The following SPATA1 variants were observed in gnomAD, a reference collection of about 807,000 sequenced individuals.
The protein encoded by SPATA1 is spermatogenesis-associated protein 1.
SPATA1 carries 57 observed loss-of-function variants against 59.6 expected under a neutral mutation model. That is an observed-to-expected ratio of 0.96 (90% CI 0.77 to 1.19). The LOEUF (loss-of-function observed/expected upper bound fraction) is 1.19. Ranked by LOEUF, SPATA1 falls within the 50% of genes most tolerant of loss-of-function variation. SPATA1 has a pLI of 0.00. For synonymous variants in SPATA1, 147 were observed against 163.9 expected, an observed-to-expected ratio of 0.90 and a Z score of 0.79; for missense variants, 448 against 480.7, an observed-to-expected ratio of 0.93 and a Z score of 0.64.
chr1:84,521,562 T>C (rs528141661), intron 3 of SPATA1, among the ~76,000 whole-genome samples: 1 of 151,974 alleles, frequency 6.6e-6, no homozygotes, highest in South Asian at 2.1e-4. Context: ...TACTCACATA[T>C]TACCTTTTTC....
intron 2 of SPATA1, among the ~76,000 whole-genome samples, chr1:84,516,725 G>T (rs569238861): frequency 9.1e-4 from 138 of 152,160 alleles, no homozygotes; most frequent in African/African-American, 3.2e-3. Flanking sequence ...TTGACTCCTT[G>T]CCCCTCTCTC....
intron 1 of SPATA1, among the ~76,000 whole-genome samples, chr1:84,508,697 T>C (rs1338687415): frequency 1.3e-5 from 2 of 152,254 alleles, no homozygotes; most frequent in Non-Finnish European, 2.9e-5. Context: ...CTGTACTTTG[T>C]ACTTTAACTA....
chr1:84,543,548 T>C (rs1477468556), intron 8 of SPATA1, among the ~76,000 whole-genome samples: 1 of 152,034 alleles, frequency 6.6e-6, no homozygotes, highest in African/African-American at 2.4e-5. Flanking sequence ...ACTTTTTAAA[T>C]GATCAGATCT....
intron 10 of SPATA1, among the ~76,000 whole-genome samples, chr1:84,548,453 CTA>C (rs1684162205): frequency 6.8e-6 from 1 of 147,766 alleles, no homozygotes; most frequent in Admixed American, 6.8e-5. Context: ...TTATAGATTA[CTA>C]TATATAACAA....
At chr1:84,547,308 G>A (rs1179253056) in intron 10 of SPATA1, among the ~76,000 whole-genome samples, 1 of 152,106 alleles carries the variant, frequency 6.6e-6, no homozygotes, top group Non-Finnish European at 1.5e-5. Context: ...TATGAAATGG[G>A]AATGATCCAT....
intron 8 of SPATA1, among the ~76,000 whole-genome samples, chr1:84,543,929 C>T (rs2101997758): frequency 6.6e-6 from 1 of 152,022 alleles, no homozygotes; most frequent in South Asian, 2.1e-4. Flanking sequence ...GTAACTGAGA[C>T]CAGAAATCTT....
In SPATA1 at chr1:84,525,841, T is replaced by G; in HGVS notation, c.316-4T>G. 1 of 1,610,126 alleles carries G rather than the reference T, an allele frequency of 6.2e-7. No homozygotes were observed. On this transcript the variant is annotated splice_region_variant and splice_polypyrimidine_tract_variant and intron_variant, in intron 5 of 12. Transcript: ENST00000490879. The stretch of plus-strand genomic sequence containing the variant: ...TAACTTTTAAAATTTCCTATATGTT[T>G]TAGGCTCTTCAACCAGAATTATATT...
chr1:84,533,741 C>A lies in SPATA1; in HGVS notation c.692C>A (p.Ala231Asp), dbSNP rs761559004. Residue 231 changes from alanine to aspartate, a missense_variant, in exon 8 of 13, where the codon GCT (alanine) becomes GAT (aspartate). Transcript: ENST00000490879. Reference sequence around the variant, plus strand: ...CTTTGGGAAAATGAAGATGATACAGCTATCAGTAGAAGACAGGACAATCAG... The same window carrying A: ...CTTTGGGAAAATGAAGATGATACAGATATCAGTAGAAGACAGGACAATCAG... 5.1e-6 allele frequency: 8 copies of A among 1,565,570 alleles called. No individual in the cohort carries two copies. In the South Asian group the frequency reaches 9.5e-5, roughly 19 times the overall value.
At chr1:84,561,589 C>A (rs1450076879) in intron 4 of SPATA1, among the ~76,000 whole-genome samples, 2 of 152,156 alleles carry the variant, frequency 1.3e-5, no homozygotes, top group Non-Finnish European at 2.9e-5. Context: ...AATCAAATAG[C>A]ATCACGTTTT....
intron 4 of SPATA1, 133 bp from the exon 14 acceptor site, chr1:84,565,728 C>T: frequency 1.9e-6 from 1 of 524,844 alleles, no homozygotes; most frequent in Non-Finnish European, 2.8e-6. Flanking sequence ...TGAAGCAAGC[C>T]TTACAATTGA....
intron 1 of SPATA1, among the ~76,000 whole-genome samples, chr1:84,507,486 C>T (rs894977366): frequency 1.3e-5 from 2 of 152,140 alleles, no homozygotes; most frequent in African/African-American, 4.8e-5. Context: ...TTCCTTATTT[C>T]AAAGTAAATT....
chr1:84,552,218 A>C (rs1684294752), intron 12 of SPATA1: 1 of 152,166 alleles, frequency 6.6e-6, no homozygotes, highest in Admixed American at 6.6e-5. Flanking sequence ...AGTCTCTTGC[A>C]ACCATATTTA....
chr1:84,565,454 C>T (rs1224362046), intron 4 of SPATA1, among the ~76,000 whole-genome samples: 2 of 152,176 alleles, frequency 1.3e-5, no homozygotes, highest in Non-Finnish European at 2.9e-5. Flanking sequence ...TTATTTAACA[C>T]TGGTTATTTC....
intron 3 of SPATA1, among the ~76,000 whole-genome samples, chr1:84,521,292 G>A (rs1397640496): frequency 1.3e-5 from 2 of 152,140 alleles, no homozygotes; most frequent in African/African-American, 2.4e-5. Context: ...TATAAACAAA[G>A]AACATGTGTT....
chr1:84,511,123 TTTA>T (rs201403802), intron 1 of SPATA1, among the ~76,000 whole-genome samples: 1,689 of 152,270 alleles, frequency 0.011, 10 homozygotes, highest in Non-Finnish European at 0.017. Flanking sequence ...CCAACAATAA[TTTA>T]TTATACATTT....
intron 6 of SPATA1, among the ~76,000 whole-genome samples, chr1:84,526,351 T>C (rs563225931): frequency 6.6e-6 from 1 of 152,178 alleles, no homozygotes; most frequent in Non-Finnish European, 1.5e-5. Flanking sequence ...AAAATAGTTT[T>C]AGATAAAAGT....
chr1:84,540,770 T>C (rs1683871829), intron 8 of SPATA1, among the ~76,000 whole-genome samples: 1 of 152,246 alleles, frequency 6.6e-6, no homozygotes, highest in African/African-American at 2.4e-5. Context: ...TAAAACTCTC[T>C]GTAGAGCAAG....
intron 4 of SPATA1, among the ~76,000 whole-genome samples, chr1:84,562,769 A>G (rs1264138193): frequency 6.6e-6 from 1 of 152,196 alleles, no homozygotes; most frequent in Non-Finnish European, 1.5e-5. Context: ...ATTGCTTTAT[A>G]ATTTAATTAT....
At chr1:84,546,457 CAAAA>C (rs10618711) in intron 10 of SPATA1, among the ~76,000 whole-genome samples, 34 of 82,056 alleles carry the variant, frequency 4.1e-4, no homozygotes, top group African/African-American at 1.3e-3. Flanking sequence ...GACTCTGCCT[CAAAA>C]AAAAAAAAAA....
Sources: gnomAD v4.1 joint callset for allele counts (sites outside exome capture counted in the v4.1 genomes callset) on GRCh38, gnomAD v4.1.1 for gene constraint, MANE v1.5 for transcripts, NCBI Gene and HGNC (gene_info 2026-07-23, HGNC 2026-07-21) for gene names.